ANKS1B: variants seen among roughly 807,000 people sequenced by gnomAD.
ANKS1B encodes the protein ankyrin repeat and sterile alpha motif domain containing 1B.
In ANKS1B, 36 loss-of-function variants were observed where a neutral mutation model predicts 148.3. The ratio of observed to expected loss-of-function variants is 0.24; its 90% CI spans 0.19 to 0.32. ANKS1B has a LOEUF of 0.32. Ranked by LOEUF, ANKS1B falls within the 10% of genes least tolerant of loss-of-function variation. The probability of loss-of-function intolerance (pLI) is 1.00; values close to 1 mark genes in which losing one functional copy is unlikely to be tolerated. For synonymous variants in ANKS1B, 542 were observed against 560.8 expected (o/e 0.97, Z 0.47); for missense variants, 1,157 against 1,542.6 (o/e 0.75, Z 4.19).
chr12:99,790,716 A>C (rs955809718), intron 4 of ANKS1B, among the ~76,000 whole-genome samples: 3 of 152,122 alleles, frequency 2.0e-5, no homozygotes, highest in African/African-American at 7.2e-5. Flanking sequence ...GTTATAAGGT[A>C]GTATTTGCAA....
At chr12:99,444,584 A>T (rs748052574) in intron 10 of ANKS1B, among the ~76,000 whole-genome samples, 6 of 151,962 alleles carry the variant, frequency 3.9e-5, no homozygotes, top group African/African-American at 7.2e-5. Flanking sequence ...GAATGTTTAA[A>T]ATACTTGGGA....
intron 12 of ANKS1B, among the ~76,000 whole-genome samples, chr12:99,325,933 G>A (rs2086222515): frequency 6.6e-6 from 1 of 152,056 alleles, no homozygotes; most frequent in Non-Finnish European, 1.5e-5. Flanking sequence ...GCATGGCTCG[G>A]AGGCCTCAGG....
At chr12:99,161,713 A>G (rs2076677332) in intron 14 of ANKS1B, among the ~76,000 whole-genome samples, 1 of 152,248 alleles carries the variant, frequency 6.6e-6, no homozygotes. Context: ...TACTAGCTTC[A>G]AAAATTCCTC....
intron 8 of ANKS1B, among the ~76,000 whole-genome samples, chr12:99,765,783 A>G (rs1170872552): frequency 6.6e-6 from 1 of 152,224 alleles, no homozygotes. Context: ...TCTGTGAAAC[A>G]TAAAAATCAA....
intron 9 of ANKS1B, among the ~76,000 whole-genome samples, chr12:99,575,673 C>T (rs758993983): frequency 6.6e-6 from 1 of 151,928 alleles, no homozygotes; most frequent in Non-Finnish European, 1.5e-5. Flanking sequence ...GGAAAAACAC[C>T]CCCATGATTC....
chr12:99,924,451 T>C (rs2094438764), intron 1 of ANKS1B, among the ~76,000 whole-genome samples: 1 of 152,188 alleles, frequency 6.6e-6, no homozygotes, highest in African/African-American at 2.4e-5. Context: ...AGTTCAGCTT[T>C]TAAGTTAACA....
At chr12:99,676,566 C>A (rs2098573315) in intron 8 of ANKS1B, among the ~76,000 whole-genome samples, 1 of 152,024 alleles carries the variant, frequency 6.6e-6, no homozygotes, top group Non-Finnish European at 1.5e-5. Flanking sequence ...TTTCTAATTG[C>A]CAAATAATTT....
At chr12:98,757,221 C>T (rs941393769) in intron 25 of ANKS1B, among the ~76,000 whole-genome samples, 2 of 152,152 alleles carry the variant, frequency 1.3e-5, no homozygotes, top group African/African-American at 4.8e-5. Context: ...CAGCAGACAT[C>T]GCTTGGAGAA....
At chr12:99,851,806 A>T (rs1427585265) in intron 1 of ANKS1B, among the ~76,000 whole-genome samples, 1 of 152,200 alleles carries the variant, frequency 6.6e-6, no homozygotes, top group Non-Finnish European at 1.5e-5. Flanking sequence ...GACAAAATTA[A>T]CTATGCAGTA....
Position 99,814,371 on chromosome 12 carries a change from T to C in ANKS1B, c.216-2060A>G, listed in dbSNP as rs574667162. ...TCACTCAATAAATAGTAAAGCACTA[T>C]ACCAATAATAGCACTTGTCCCAAGT... On this transcript the variant is annotated intron_variant, in intron 2 of 26. Transcript: ENST00000683438. Among the ~76,000 whole-genome samples the C allele has an allele frequency of 2.8e-4, 42 of 151,812 alleles. No homozygotes were observed. In the South Asian group the frequency reaches 3.5e-3, roughly 13 times the overall value.
At chr12:99,407,975 C>A (rs1340424065) in intron 11 of ANKS1B, among the ~76,000 whole-genome samples, 3 of 145,968 alleles carry the variant, frequency 2.1e-5, no homozygotes, top group Non-Finnish European at 3.0e-5. Flanking sequence ...TAATGATATT[C>A]TTCACAGAAA....
At chr12:99,791,381 T>C (rs931439211) in intron 4 of ANKS1B, among the ~76,000 whole-genome samples, 2 of 151,882 alleles carry the variant, frequency 1.3e-5, no homozygotes, top group Admixed American at 6.6e-5. Flanking sequence ...AGACAGAAAA[T>C]CAACAGATAA....
rs60883945 is a variant in ANKS1B, at chr12:99,199,347, A to G, written c.2420-44952T>C. 4.4e-3 allele frequency among the ~76,000 whole-genome samples: 676 copies of G among 152,284 alleles called. 25 individuals carry two copies. The East Asian group carries it at 0.088, about 20-fold the overall frequency. On this transcript the variant is annotated intron_variant, in intron 14 of 26. Coordinates refer to ENST00000683438, the MANE Select transcript of ANKS1B (RefSeq NM_001352186.2). ...AAATAGACAAAAGTCACTATAAACTATTTCCTGTGTTGTTAGCCGTGGTTT... is the reference window on the plus strand; with the variant it reads ...AAATAGACAAAAGTCACTATAAACTGTTTCCTGTGTTGTTAGCCGTGGTTT...
rs113030122 is a variant in ANKS1B at position 99,812,558 on chromosome 12, CAGAGAGAGAGAG to C, written c.216-259_216-248del. Among the ~76,000 whole-genome samples, 15 of 73,710 alleles carry C rather than the reference CAGAGAGAGAGAG, an allele frequency of 2.0e-4. No individual in the cohort carries two copies. The East Asian group carries it at 2.5e-3, about 12-fold the overall frequency. The allele number at this position is 73,710 out of a possible 152,430, so 48.4% of individuals were successfully genotyped here. On this transcript the variant is annotated intron_variant, in intron 2 of 26. Transcript: ENST00000683438. Reference sequence around the variant, plus strand: ...ACACACACACACACACACACACACACAGAGAGAGAGAGAGAGAGAAAGAGAGCGAGAGCACAC... The same window carrying C: ...ACACACACACACACACACACACACACAGAGAGAAAGAGAGCGAGAGCACAC...
intron 15 of ANKS1B, among the ~76,000 whole-genome samples, chr12:99,121,761 C>G (rs2062964472): frequency 6.6e-6 from 1 of 152,122 alleles, no homozygotes; most frequent in Non-Finnish European, 1.5e-5. Context: ...TCCTTTTGTT[C>G]CCTTCATGGA....
chr12:99,087,944 G>A (rs1755785780), intron 15 of ANKS1B, among the ~76,000 whole-genome samples: 1 of 152,066 alleles, frequency 6.6e-6, no homozygotes, highest in Non-Finnish European at 1.5e-5. Context: ...CAGTAAGAGA[G>A]GAGTCCTTTT....
intron 1 of ANKS1B, among the ~76,000 whole-genome samples, chr12:99,890,374 C>T (rs183440827): frequency 3.5e-4 from 54 of 152,270 alleles, no homozygotes; most frequent in Admixed American, 1.2e-3. Flanking sequence ...AATTCTGCTT[C>T]CCAAATGCAA....
intron 19 of ANKS1B, among the ~76,000 whole-genome samples, chr12:98,808,430 C>T (rs182030048): frequency 2.0e-5 from 3 of 152,242 alleles, no homozygotes; most frequent in African/African-American, 7.2e-5. Context: ...AGAGTTCTTA[C>T]GGGCAAAACT....
At chr12:99,964,807 T>C (rs1401958523) in intron 1 of ANKS1B, among the ~76,000 whole-genome samples, 1 of 151,962 alleles carries the variant, frequency 6.6e-6, no homozygotes, top group Non-Finnish European at 1.5e-5. Flanking sequence ...ATGAAAAGGG[T>C]GAAGAGGTGT....
Sources: gnomAD v4.1 joint callset for allele counts (sites outside exome capture counted in the v4.1 genomes callset) on GRCh38, gnomAD v4.1.1 for gene constraint, MANE v1.5 for transcripts, NCBI Gene and HGNC (gene_info 2026-07-23, HGNC 2026-07-21) for gene names.